Variants in CAMTA1 observed in about 807,000 individuals in gnomAD.
CAMTA1 encodes the protein calmodulin binding transcription activator 1.
A neutral mutation model predicts 170.9 loss-of-function variants in CAMTA1; 27 were observed. That is an observed-to-expected ratio of 0.16 (90% CI 0.12 to 0.22). The LOEUF (loss-of-function observed/expected upper bound fraction) is 0.22, where lower values mean the gene tolerates loss of function less well. Ranked by LOEUF, CAMTA1 falls within the 10% of genes least tolerant of loss-of-function variation. The pLI, the probability that CAMTA1 is intolerant of heterozygous loss-of-function variation, is 1.00. For synonymous variants in CAMTA1, 833 were observed against 891.5 expected (o/e 0.93, Z 1.17); for missense variants, 1,619 against 2,217.2 (o/e 0.73, Z 5.42).
At chr1:6,944,800 G>A (rs1687310356) in intron 3 of CAMTA1, among the ~76,000 whole-genome samples, 1 of 152,224 alleles carries the variant, frequency 6.6e-6, no homozygotes. Context: ...TGGTGAAAGT[G>A]ATACGCATTC....
chr1:7,704,484 G>T (rs2096483095), intron 11 of CAMTA1, among the ~76,000 whole-genome samples: 1 of 146,336 alleles, frequency 6.8e-6, no homozygotes, highest in Non-Finnish European at 1.5e-5. Flanking sequence ...GCGCGGGGAC[G>T]CCCGGGCCGC....
chr1:6,836,979 A>G (rs185303148), intron 3 of CAMTA1, among the ~76,000 whole-genome samples: 1 of 147,826 alleles, frequency 6.8e-6, no homozygotes, highest in South Asian at 2.1e-4. Context: ...TCTCTGTTGC[A>G]TAGGCTGGAG....
chr1:7,664,173 G>A lies in CAMTA1; in HGVS notation c.1626G>A (p.Gln542=). ...IKTEDTSFEQ[Q]MAKEAYSSSA... Reference sequence around the variant, plus strand: ...CCGAGGACACCTCCTTCGAGCAGCAGATGGCCAAAGAAGCGTACTCCTCCT... The same window carrying A: ...CCGAGGACACCTCCTTCGAGCAGCAAATGGCCAAAGAAGCGTACTCCTCCT... Residue 542 remains glutamine, a synonymous_variant, in exon 9 of 23, where the codon CAG becomes CAA. Transcript: ENST00000303635. 1 of 1,612,908 alleles carries A rather than the reference G, an allele frequency of 6.2e-7. No homozygotes were observed. The highest frequency in any genetic ancestry group is 1.1e-5 in the South Asian group (1 of 91,090).
At chr1:6,795,485 A>G (rs1029045192) in intron 1 of CAMTA1, among the ~76,000 whole-genome samples, 8 of 152,134 alleles carry the variant, frequency 5.3e-5, no homozygotes, top group African/African-American at 9.7e-5. Flanking sequence ...GTGAGCTACC[A>G]TGCCCTGCCT....
At chr1:7,477,068 G>A (rs1430108022) in intron 6 of CAMTA1, among the ~76,000 whole-genome samples, 2 of 152,198 alleles carry the variant, frequency 1.3e-5, no homozygotes, top group African/African-American at 4.8e-5. Context: ...AAGGGCAAGG[G>A]GGTGTGAGGG....
At chr1:7,489,104 G>A (rs1409925587) in intron 6 of CAMTA1, among the ~76,000 whole-genome samples, 1 of 152,180 alleles carries the variant, frequency 6.6e-6, no homozygotes, top group Non-Finnish European at 1.5e-5. Flanking sequence ...ACCACACTCC[G>A]TGGCCTCACA....
rs530507885 is a variant in CAMTA1, at chr1:7,675,600, G to A, written c.2780-1999G>A. 9.2e-5 allele frequency among the ~76,000 whole-genome samples: 14 copies of A among 152,158 alleles called. 1 individual carries two copies. The highest frequency in any genetic ancestry group is 1.3e-4 in the Admixed American group (2 of 15,284). On this transcript the variant is annotated intron_variant, in intron 10 of 22. Coordinates refer to ENST00000303635, the MANE Select transcript of CAMTA1 (RefSeq NM_015215.4). Reference sequence around the variant, plus strand: ...GTAGGGGTGCTGGGCTGTGGCCCCCGGTGCTGGATTATGGGCCTCCCGACA... The same window carrying A: ...GTAGGGGTGCTGGGCTGTGGCCCCCAGTGCTGGATTATGGGCCTCCCGACA...
At chr1:7,496,927 C>T (rs1471600270) in intron 6 of CAMTA1, among the ~76,000 whole-genome samples, 1 of 152,020 alleles carries the variant, frequency 6.6e-6, no homozygotes, top group Non-Finnish European at 1.5e-5. Context: ...CCTGAGCAGC[C>T]ACCGAGACAC....
chr1:7,658,896 C>A (rs2095929682), intron 7 of CAMTA1, among the ~76,000 whole-genome samples: 1 of 152,204 alleles, frequency 6.6e-6, no homozygotes. Context: ...AAGCACTGTC[C>A]ACCTGAAGAA....
At position 7,499,451 on chromosome 1, in the gene CAMTA1, AGT is replaced by A. The variant is rs1326057353; in HGVS notation, c.510+31562_510+31563del. Among the ~76,000 whole-genome samples the A allele has an allele frequency of 4.9e-3, 83 of 16,918 alleles. 7 individuals are homozygous for A. Among genetic ancestry groups the A allele is most frequent in the Admixed American group, 0.026 (40 of 1,516 alleles). 11.1% of individuals were successfully genotyped at this position (16,918 alleles called of 152,430 possible). On this transcript the variant is annotated intron_variant, in intron 6 of 22. Transcript: ENST00000303635. ...TGAGCCTGGTGTGCATATGTATATG[AGT>A]GTGTGTGTGTGCATGTGTGTACATG...
At chr1:6,902,070 CACAAAAAA>C (rs1260461437) in intron 3 of CAMTA1, among the ~76,000 whole-genome samples, 42 of 74,544 alleles carry the variant, frequency 5.6e-4, no homozygotes, top group African/African-American at 1.1e-3. Context: ...CACACACACA[CACAAAAAA>C]AAAAATAAAA....
intron 11 of CAMTA1, among the ~76,000 whole-genome samples, chr1:7,687,278 A>C (rs1423927297): frequency 6.6e-6 from 1 of 151,696 alleles, no homozygotes; most frequent in Admixed American, 6.6e-5. Context: ...GGAAACCAGC[A>C]GGATGTGACC....
intron 4 of CAMTA1, among the ~76,000 whole-genome samples, chr1:7,151,173 T>C (rs543704505): frequency 2.0e-5 from 3 of 152,356 alleles, no homozygotes; most frequent in South Asian, 4.1e-4. Flanking sequence ...CTCCTCTCCC[T>C]TGGCCAGCGC....
intron 3 of CAMTA1, among the ~76,000 whole-genome samples, chr1:6,844,054 A>G (rs1041686959): frequency 1.3e-5 from 2 of 152,232 alleles, no homozygotes; most frequent in African/African-American, 2.4e-5. Context: ...CAGACTGTAT[A>G]GCTGTGAAAA....
Position 7,084,498 on chromosome 1 carries a change from C to T in CAMTA1, c.235-6806C>T, listed in dbSNP as rs201808481. Among the ~76,000 whole-genome samples the T allele has an allele frequency of 2.0e-5, 3 of 152,148 alleles. No homozygotes were observed. The East Asian group carries it at 5.8e-4, about 29-fold the overall frequency. ...CTGAGAAGTTGAGGTGAATCCAGCC[C>T]CTCTGAGAATTGCGTAGCCCTCCCT... On this transcript the variant is annotated intron_variant, in intron 3 of 22. Coordinates refer to ENST00000303635, the MANE Select transcript of CAMTA1 (RefSeq NM_015215.4).
chr1:7,533,261 C>T (rs1014689896), intron 6 of CAMTA1, among the ~76,000 whole-genome samples: 2 of 152,138 alleles, frequency 1.3e-5, no homozygotes, highest in African/African-American at 4.8e-5. Context: ...ACTCCAGGCT[C>T]CACTGAGGTA....
chr1:7,398,185 CTCTCTCTCTATATATATATATATATAT>C (rs1472929071), intron 5 of CAMTA1, among the ~76,000 whole-genome samples: 5 of 46,542 alleles, frequency 1.1e-4, no homozygotes, highest in Non-Finnish European at 1.6e-4. Context: ...CTCTCTCTCT[CTCTCTCTCTATATATATATATATATAT>C]ATATATATAT....
intron 6 of CAMTA1, among the ~76,000 whole-genome samples, chr1:7,612,201 A>G (rs1315564759): frequency 6.6e-6 from 1 of 152,156 alleles, no homozygotes; most frequent in Non-Finnish European, 1.5e-5. Flanking sequence ...ACGGACTTGA[A>G]GGATGGTGAA....
intron 3 of CAMTA1, among the ~76,000 whole-genome samples, chr1:6,905,598 C>T (rs1678271581): frequency 1.3e-5 from 2 of 152,302 alleles, no homozygotes; most frequent in Non-Finnish European, 2.9e-5. Context: ...AACCCTTTGT[C>T]CATGCAGTCC....
Sources: gnomAD v4.1 joint callset for allele counts (sites outside exome capture counted in the v4.1 genomes callset) on GRCh38, gnomAD v4.1.1 for gene constraint, MANE v1.5 for transcripts, NCBI Gene and HGNC (gene_info 2026-07-23, HGNC 2026-07-21) for gene names.